CDKN1B: variants seen among roughly 807,000 people sequenced by gnomAD.
The protein encoded by CDKN1B is cyclin dependent kinase inhibitor 1B.
A neutral mutation model predicts 17.1 loss-of-function variants in CDKN1B; 7 were observed. The observed-to-expected ratio is 0.41, with a 90% confidence interval of 0.23 to 0.77. The LOEUF (loss-of-function observed/expected upper bound fraction) is 0.77, where lower values mean the gene tolerates loss of function less well. CDKN1B is among the 30% of genes least tolerant of loss of function. The pLI is 0.33. For missense variants in CDKN1B, 337 were observed against 262.0 expected (o/e 1.29, Z -1.98); for synonymous variants, 149 against 104.3 (o/e 1.43, Z -2.61).
Position 12,717,785 on chromosome 12 carries a change from C to A in CDKN1B, c.-55C>A. On this transcript the variant is annotated 5_prime_UTR_variant, in exon 1 of 3. Coordinates refer to ENST00000228872, the MANE Select transcript of CDKN1B (RefSeq NM_004064.5). ...CTGCGTAGGGGCGCTTTGTTTTGTT[C>A]GGTTTTGTTTTTTTGAGAGTGCGAG... 6.2e-7 allele frequency: 1 copy of A among 1,602,562 alleles called. No individual in the cohort carries two copies. The highest frequency in any genetic ancestry group is 1.1e-5 in the South Asian group (1 of 90,876).
Position 12,721,263 on chromosome 12 carries a change from C to T in CDKN1B, c.*236C>T, listed in dbSNP as rs1029279648. 35 of 421,016 alleles carry T rather than the reference C, an allele frequency of 8.3e-5. No homozygotes were observed. Among genetic ancestry groups the T allele is most frequent in the African/African-American group, 5.0e-4 (23 of 46,366 alleles). The allele number at this position is 421,016 out of a possible 1,614,324, so 26.1% of individuals were successfully genotyped here. On this transcript the variant is annotated 3_prime_UTR_variant, in exon 3 of 3. Transcript: ENST00000228872. The stretch of plus-strand genomic sequence containing the variant: ...ATGCAATTAGGTTTTTCCTTATTTG[C>T]TTCATTGTACTACCTGTGTATATAG...
In CDKN1B at chr12:12,718,918, A is replaced by G. The variant is rs774102258; in HGVS notation, c.569A>G (p.Lys190Arg). 1.2e-6 allele frequency: 2 copies of G among 1,614,176 alleles called. No individual in the cohort carries two copies. The highest frequency in any genetic ancestry group is 1.7e-4 in the Middle Eastern group (1 of 6,050). ...NAGSVEQTPKKPGLRRRQT is the reference protein window; with the variant it reads ...NAGSVEQTPKRPGLRRRQT ...GGTTCTGTGGAGCAGACGCCCAAGA[A>G]GCCTGGCCTCAGAAGACGTCAAACG... The change falls in exon 2 of 3, where the codon AAG becomes AGG. Residue 190 changes from lysine (K) to arginine (R), a missense_variant. Coordinates refer to ENST00000228872, the MANE Select transcript of CDKN1B (RefSeq NM_004064.5).
Position 12,721,898 on chromosome 12 carries a change from TGTAA to T in CDKN1B, c.*876_*879del, listed in dbSNP as rs931116488. The T allele has an allele frequency of 6.6e-6, 1 of 152,250 alleles. No homozygotes were observed. The highest frequency in any genetic ancestry group is 1.5e-5 in the Non-Finnish European group (1 of 68,044). 9.4% of individuals were successfully genotyped at this position (152,250 alleles called of 1,614,324 possible). On this transcript the variant is annotated 3_prime_UTR_variant, in exon 3 of 3. Coordinates refer to ENST00000228872, the MANE Select transcript of CDKN1B (RefSeq NM_004064.5). The stretch of plus-strand genomic sequence containing the variant: ...AAATCCCTCGATATTTTTAAAGATC[TGTAA>T]GTAACTTCACATTAAAAAATGAAAT...
At position 12,717,578 on chromosome 12, in the gene CDKN1B, T is replaced by C. The variant is rs2136354972; in HGVS notation, c.-262T>C. ...GACGGGCTTTGCCACCCTCTCCGCT[T>C]GCCTGGTCCCCTCTCCTCTCCGCCC... On this transcript the variant is annotated 5_prime_UTR_variant, in exon 1 of 3. Coordinates refer to ENST00000228872, the MANE Select transcript of CDKN1B (RefSeq NM_004064.5). The C allele has an allele frequency of 7.0e-7, 1 of 1,421,848 alleles. No individual in the cohort carries two copies. Among genetic ancestry groups the C allele is most frequent in the East Asian group, 2.6e-5 (1 of 39,006 alleles). The allele number at this position is 1,421,848 out of a possible 1,614,324, so 88.1% of individuals were successfully genotyped here. A position where few individuals can be genotyped will look rare whatever the true frequency, so the allele number is the denominator to read the frequency against.
chr12:12,718,469 T>C (rs966946886), intron 1 of CDKN1B, among the ~76,000 whole-genome samples, 155 bp downstream of exon 1: 3 of 152,210 alleles, frequency 2.0e-5, no homozygotes, highest in Admixed American at 2.0e-4. Context: ...GGCCCACTGC[T>C]TGTCTGTTTG....
In CDKN1B at chr12:12,717,831, G is replaced by A. The variant is rs202167434; in HGVS notation, c.-9G>A. The A allele has an allele frequency of 1.9e-5, 30 of 1,611,248 alleles. No homozygotes were observed. In the East Asian group the frequency reaches 2.7e-4, roughly 14 times the overall value. On this transcript the variant is annotated 5_prime_UTR_variant, in exon 1 of 3. Transcript: ENST00000228872. ...GCGAGAGAGGCGGTCGTGCAGACCC[G>A]GGAGAAAGATGTCAAACGTGCGAGT...
chr12:12,717,444 TC>T lies in CDKN1B; in HGVS notation c.-391del. Reference sequence around the variant, plus strand: ...GGCTCGTCTTTTCGGGGTGTTTTTCTCCCCCTCCCCTGTCCCCGCTTGCTCA... The same window carrying T: ...GGCTCGTCTTTTCGGGGTGTTTTTCTCCCCTCCCCTGTCCCCGCTTGCTCA... On this transcript the variant is annotated 5_prime_UTR_variant, in exon 1 of 3. Coordinates refer to ENST00000228872, the MANE Select transcript of CDKN1B (RefSeq NM_004064.5). The T allele has an allele frequency of 7.9e-7, 1 of 1,259,778 alleles. No homozygotes were observed. Among genetic ancestry groups the T allele is most frequent in the Non-Finnish European group, 1.0e-6 (1 of 996,740 alleles). 78.0% of individuals were successfully genotyped at this position (1,259,778 alleles called of 1,614,324 possible).
chr12:12,721,270 G>A lies in CDKN1B; in HGVS notation c.*243G>A. The A allele has an allele frequency of 2.5e-6, 1 of 392,806 alleles. No individual in the cohort carries two copies. The highest frequency in any genetic ancestry group is 6.9e-5 in the East Asian group (1 of 14,514). 24.3% of individuals were successfully genotyped at this position (392,806 alleles called of 1,614,324 possible). A position where few individuals can be genotyped will look rare whatever the true frequency, so the allele number is the denominator to read the frequency against. On this transcript the variant is annotated 3_prime_UTR_variant, in exon 3 of 3. Coordinates refer to ENST00000228872, the MANE Select transcript of CDKN1B (RefSeq NM_004064.5). ...TAGGTTTTTCCTTATTTGCTTCATTGTACTACCTGTGTATATAGTTTTTAC... is the reference window on the plus strand; with the variant it reads ...TAGGTTTTTCCTTATTTGCTTCATTATACTACCTGTGTATATAGTTTTTAC...
intron 2 of CDKN1B, among the ~76,000 whole-genome samples, chr12:12,720,209 G>A (rs1946528680): frequency 6.6e-6 from 1 of 152,142 alleles, no homozygotes; most frequent in Non-Finnish European, 1.5e-5. Flanking sequence ...GTTGGTTTGT[G>A]ACTTGTGGCC....
rs1467938762 is a variant in CDKN1B, at chr12:12,718,220, C to T, written c.381C>T (p.Asp127=). The change falls in exon 1 of 3, where the codon GAC becomes GAT. Residue 127 remains aspartate, a synonymous_variant. Coordinates refer to ENST00000228872, the MANE Select transcript of CDKN1B (RefSeq NM_004064.5). ...TTGGGGCTCCGGCTAACTCTGAGGA[C>T]ACGCATTTGGTGGACCCAAAGACTG... The part of the protein sequence containing the change: ...PLIGAPANSE[D]THLVDPKTDP... 6.2e-7 allele frequency: 1 copy of T among 1,612,886 alleles called. No individual in the cohort carries two copies.
At position 12,722,096 on chromosome 12, in the gene CDKN1B, T is replaced by G. The variant is rs1397505326; in HGVS notation, c.*1069T>G. On this transcript the variant is annotated 3_prime_UTR_variant, in exon 3 of 3. Coordinates refer to ENST00000228872, the MANE Select transcript of CDKN1B (RefSeq NM_004064.5). ...GGAAAAACCATTTGAAGTGTACCTGTGTACATAACTCTGTAAAAACACTGA... is the reference window on the plus strand; with the variant it reads ...GGAAAAACCATTTGAAGTGTACCTGGGTACATAACTCTGTAAAAACACTGA... 2 of 152,348 alleles carry G rather than the reference T, an allele frequency of 1.3e-5. No individual in the cohort carries two copies. Among genetic ancestry groups the G allele is most frequent in the Non-Finnish European group, 2.9e-5 (2 of 68,028 alleles). The allele number at this position is 152,348 out of a possible 1,614,324, so 9.4% of individuals were successfully genotyped here. A position where few individuals can be genotyped will look rare whatever the true frequency, so the allele number is the denominator to read the frequency against.
rs1294042943 is a variant in CDKN1B, at chr12:12,721,954, C to T, written c.*927C>T. The T allele has an allele frequency of 6.6e-6, 1 of 152,152 alleles. No homozygotes were observed. The highest frequency in any genetic ancestry group is 2.4e-5 in the African/African-American group (1 of 41,416). The allele number at this position is 152,152 out of a possible 1,614,324, so 9.4% of individuals were successfully genotyped here. On this transcript the variant is annotated 3_prime_UTR_variant, in exon 3 of 3. Transcript: ENST00000228872. ...TTTTTTAATTTAAAGCTTACTCTGT[C>T]CATTTATCCACAGGAAAGTGTTATT...
intron 2 of CDKN1B, among the ~76,000 whole-genome samples, 162 bp from the exon 3 acceptor site, chr12:12,720,874 T>TC (rs1194711997): frequency 1.6e-4 from 25 of 152,012 alleles, no homozygotes; most frequent in African/African-American, 6.0e-4. Flanking sequence ...GAAAAAAAAA[T>TC]CCAGTTAAGA....
At chr12:12,719,024 T>C (rs1946515551) in intron 2 of CDKN1B, 70 bp downstream of exon 2, 1 of 1,586,386 alleles carries the variant, frequency 6.3e-7, no homozygotes, top group African/African-American at 1.3e-5. Flanking sequence ...CTGATCTTAC[T>C]GGTTGCTGGC....
chr12:12,718,678 C>T, intron 1 of CDKN1B, 147 bp from the exon 2 acceptor site: 2 of 955,488 alleles, frequency 2.1e-6, no homozygotes, highest in Non-Finnish European at 3.3e-6. Flanking sequence ...ATTTTGTGCC[C>T]TTAAAAGCCA....
At chr12:12,721,014 TC>T (rs1946536170) in intron 2 of CDKN1B, 21 bp from the exon 3 acceptor site, 2 of 656,344 alleles carry the variant, frequency 3.0e-6, no homozygotes, top group African/African-American at 3.6e-5. Context: ...CTTTAATTCT[TC>T]CGTTTTGTTT....
At chr12:12,718,754 C>T (rs1270561831) in intron 1 of CDKN1B, 71 bp from the exon 2 acceptor site, 12 of 1,587,226 alleles carry the variant, frequency 7.6e-6, no homozygotes, top group African/African-American at 4.0e-5. Context: ...ACTATGGGGC[C>T]AACTTCTGCC....
Position 12,718,049 on chromosome 12 carries a change from A to G in CDKN1B, c.210A>G (p.Leu70=), listed in dbSNP as rs1592280917. The part of the protein sequence containing the change: ...WNFDFQNHKP[L]EGKYEWQEVE... ...TCGATTTTCAGAATCACAAACCCCT[A>G]GAGGGCAAGTACGAGTGGCAAGAGG... The change falls in exon 1 of 3, where the codon CTA becomes CTG. Residue 70 remains leucine (L), a synonymous_variant. Coordinates refer to ENST00000228872, the MANE Select transcript of CDKN1B (RefSeq NM_004064.5). 2 of 1,614,258 alleles carry G rather than the reference A, an allele frequency of 1.2e-6. No homozygotes were observed. The highest frequency in any genetic ancestry group is 1.7e-6 in the Non-Finnish European group (2 of 1,180,044).
intron 2 of CDKN1B, chr12:12,719,586 T>C (rs1946521536): frequency 6.6e-6 from 1 of 152,546 alleles, no homozygotes; most frequent in South Asian, 2.0e-4. Flanking sequence ...GTTACTAAAG[T>C]TTCTACAGAA....
Sources: allele counts gnomAD v4.1 joint callset (sites outside exome capture counted in the v4.1 genomes callset), GRCh38; gene constraint gnomAD v4.1.1; transcripts MANE v1.5; gene names NCBI Gene and HGNC (gene_info 2026-07-23, HGNC 2026-07-21).